Variants in LHCGR observed in about 807,000 individuals in gnomAD.
LHCGR encodes the protein lutropin-choriogonadotropic hormone receptor.
A neutral mutation model predicts 60.7 loss-of-function variants in LHCGR; 55 were observed. The observed-to-expected ratio is 0.91, with a 90% CI of 0.73 to 1.13. The LOEUF is 1.13. Among genes scored for constraint, LHCGR ranks in the 50% most tolerant of loss-of-function variants. The pLI is 0.00. For missense variants in LHCGR, 862 were observed against 836.0 expected (o/e 1.03, Z -0.38); for synonymous variants, 337 against 316.5 (o/e 1.06, Z -0.69).
intron 1 of LHCGR, among the ~76,000 whole-genome samples, chr2:48,742,965 A>C (rs550064473): frequency 9.2e-5 from 14 of 152,344 alleles, no homozygotes; most frequent in African/African-American, 2.6e-4. Flanking sequence ...TAAAGAAAAA[A>C]AGAGAGAAGA....
chr2:48,723,727 CAG>C (rs1668598210), intron 4 of LHCGR, 31 bp from the exon 5 acceptor site: 4 of 1,503,368 alleles, frequency 2.7e-6, no homozygotes, highest in Non-Finnish European at 3.7e-6. Flanking sequence ...GTGGTGTGGG[CAG>C]AGAGTGGGTA....
intron 1 of LHCGR, among the ~76,000 whole-genome samples, chr2:48,734,898 A>G (rs1272501575): frequency 6.6e-6 from 1 of 152,260 alleles, no homozygotes; most frequent in Non-Finnish European, 1.5e-5. Context: ...GGTTACTGGG[A>G]AAATATGAGG....
intron 1 of LHCGR, among the ~76,000 whole-genome samples, chr2:48,754,377 AT>A (rs1037323232): frequency 2.6e-5 from 4 of 152,104 alleles, no homozygotes; most frequent in Non-Finnish European, 5.9e-5. Context: ...ACAGAATTCC[AT>A]CATCTCTAAT....
chr2:48,738,781 CA>C (rs1319859857), intron 1 of LHCGR, among the ~76,000 whole-genome samples: 1 of 152,194 alleles, frequency 6.6e-6, no homozygotes, highest in African/African-American at 2.4e-5. Flanking sequence ...TAAAATATCT[CA>C]GTAATTTTTG....
At chr2:48,747,995 T>A (rs188699106) in intron 1 of LHCGR, among the ~76,000 whole-genome samples, 186 of 152,264 alleles carry the variant, frequency 1.2e-3, no homozygotes, top group African/African-American at 4.4e-3. Context: ...GGGATAACCA[T>A]GCTAGTCCAG....
intron 6 of LHCGR, chr2:48,721,318 G>C (rs575596660): frequency 5.7e-6 from 1 of 176,602 alleles, no homozygotes; most frequent in Non-Finnish European, 1.2e-5. Flanking sequence ...ATGCAATGGT[G>C]AGTTGAAAAC....
chr2:48,720,536 C>T (rs1035049483), intron 6 of LHCGR: 2 of 152,248 alleles, frequency 1.3e-5, no homozygotes, highest in African/African-American at 4.8e-5. Context: ...CTTGTCCTGG[C>T]ACTTAAGGGT....
chr2:48,751,954 C>G (rs1669975277), intron 1 of LHCGR, among the ~76,000 whole-genome samples: 1 of 152,192 alleles, frequency 6.6e-6, no homozygotes, highest in Non-Finnish European at 1.5e-5. Context: ...GCAGATCAAC[C>G]TTTCTGTTGT....
chr2:48,698,471 T>C (rs1321360611), intron 9 of LHCGR, 144 bp downstream of exon 9: 5 of 687,712 alleles, frequency 7.3e-6, no homozygotes, highest in Non-Finnish European at 1.3e-5. Context: ...TTTCTTCTTG[T>C]CTATTTGAAA....
intron 8 of LHCGR, among the ~76,000 whole-genome samples, chr2:48,701,096 G>A (rs1468465155): frequency 1.3e-5 from 2 of 152,074 alleles, no homozygotes; most frequent in Non-Finnish European, 2.9e-5. Context: ...AAAGTGGATA[G>A]CAGGAAGGAG....
chr2:48,724,411 A>C (rs760393833), intron 4 of LHCGR, among the ~76,000 whole-genome samples: 3 of 152,196 alleles, frequency 2.0e-5, no homozygotes, highest in African/African-American at 4.8e-5. Flanking sequence ...TTCACCAGTC[A>C]TGGGATCTGG....
intron 6 of LHCGR, among the ~76,000 whole-genome samples, chr2:48,719,764 A>G (rs1420013598): frequency 6.6e-6 from 1 of 152,236 alleles, no homozygotes; most frequent in Admixed American, 6.5e-5. Context: ...GGAGGGCAAG[A>G]CAGGTTCTAC....
chr2:48,755,483 C>T, intron 1 of LHCGR, 28 bp downstream of exon 1: 3 of 1,432,404 alleles, frequency 2.1e-6, no homozygotes, highest in Non-Finnish European at 1.9e-6. Flanking sequence ...GCATCAAGGG[C>T]GCCGCGACGG....
intron 9 of LHCGR, among the ~76,000 whole-genome samples, chr2:48,695,359 T>A (rs1391812754): frequency 6.6e-6 from 1 of 152,150 alleles, no homozygotes; most frequent in Non-Finnish European, 1.5e-5. Flanking sequence ...TAGCTAAAAA[T>A]TCTTTGCCAA....
chr2:48,702,042 A>G (rs561761495), intron 8 of LHCGR, among the ~76,000 whole-genome samples: 2 of 152,120 alleles, frequency 1.3e-5, no homozygotes, highest in South Asian at 2.1e-4. Context: ...TGTTTGTTGA[A>G]TAAATAACAT....
intron 1 of LHCGR, among the ~76,000 whole-genome samples, chr2:48,732,392 C>A (rs1158756641): frequency 2.0e-5 from 3 of 152,140 alleles, no homozygotes; most frequent in South Asian, 2.1e-4. Context: ...GGAAAGAACA[C>A]CTCCATGATG....
intron 1 of LHCGR, chr2:48,733,026 G>T: frequency 1.9e-6 from 1 of 523,532 alleles, no homozygotes. Context: ...AATCATGTTC[G>T]CTTGGCTTCC....
chr2:48,714,001 G>A lies in LHCGR; in HGVS notation c.590C>T (p.Thr197Met), dbSNP rs767900216. ...EEVQSHAFNG[T>M]TLTSLELKEN... Reference sequence around the variant, plus strand: ...AAATACTTACAGTGAAGTCAGTGTCGTCCCATTGAATGCATGACTTTGTAC... The same window carrying A: ...AAATACTTACAGTGAAGTCAGTGTCATCCCATTGAATGCATGACTTTGTAC... Residue 197 changes from threonine (T) to methionine (M), a missense_variant, in exon 7 of 11, where the codon ACG becomes ATG. By Grantham distance (81) the Thr-to-Met change is moderately conservative (BLOSUM62 -1). Transcript: ENST00000294954. 32 of 1,609,532 alleles carry A rather than the reference G, an allele frequency of 2.0e-5. No homozygotes were observed. The highest frequency in any genetic ancestry group is 3.3e-4 in the Middle Eastern group (2 of 6,074).
In LHCGR at chr2:48,753,805, A is replaced by AGTGT. The variant is rs70946826; in HGVS notation, c.161+1702_161+1705dup. On this transcript the variant is annotated intron_variant, in intron 1 of 10. Coordinates refer to ENST00000294954, the MANE Select transcript of LHCGR (RefSeq NM_000233.4). The stretch of plus-strand genomic sequence containing the variant: ...CTCAGTACTAATTTTGGAGAAACTG[A>AGTGT]GTGTGTGTGTGTGTGTGTGTGTGTT... Among the ~76,000 whole-genome samples, 513 of 149,760 alleles carry AGTGT rather than the reference A, an allele frequency of 3.4e-3. 3 individuals are homozygous for AGTGT. Among genetic ancestry groups the AGTGT allele is most frequent in the African/African-American group, 9.1e-3 (373 of 40,978 alleles).
Sources: allele counts gnomAD v4.1 joint callset (sites outside exome capture counted in the v4.1 genomes callset), GRCh38; gene constraint gnomAD v4.1.1; transcripts MANE v1.5; gene names NCBI Gene and HGNC (gene_info 2026-07-23, HGNC 2026-07-21).